The following PSMD1 variants were observed in gnomAD, a reference collection of about 807,000 sequenced individuals.
PSMD1 encodes proteasome 26S subunit, non-ATPase 1, also known as 26S proteasome non-ATPase regulatory subunit 1.
A neutral mutation model predicts 119.0 loss-of-function variants in PSMD1; 18 were observed. The ratio of observed to expected loss-of-function variants is 0.15; its 90% CI spans 0.10 to 0.22. The LOEUF is 0.22. Ranked by LOEUF, PSMD1 falls within the 10% of genes least tolerant of loss-of-function variation. PSMD1 has a pLI of 1.00. For missense variants in PSMD1, 702 were observed against 1,158.5 expected, an observed-to-expected ratio of 0.61 and a Z score of 5.72; for synonymous variants, 374 against 396.6, an observed-to-expected ratio of 0.94 and a Z score of 0.68.
At chr2:231,088,355 T>C (rs1055703856) in intron 16 of PSMD1, among the ~76,000 whole-genome samples, 1 of 152,220 alleles carries the variant, frequency 6.6e-6, no homozygotes, top group African/African-American at 2.4e-5. Flanking sequence ...TACCTTGTTT[T>C]ACTGCACTTT....
chr2:231,096,527 A>G (rs907571242), intron 16 of PSMD1, among the ~76,000 whole-genome samples: 1 of 152,162 alleles, frequency 6.6e-6, no homozygotes. Context: ...CCAGAGCTCT[A>G]TGTCTAATGT....
At chr2:231,115,842 G>A (rs969882098) in intron 16 of PSMD1, among the ~76,000 whole-genome samples, 6 of 152,120 alleles carry the variant, frequency 3.9e-5, no homozygotes, top group Admixed American at 1.3e-4. Context: ...TAGATATGCA[G>A]GCTCTTGGGT....
chr2:231,077,635 G>A (rs886454390), intron 9 of PSMD1, among the ~76,000 whole-genome samples: 1 of 151,774 alleles, frequency 6.6e-6, no homozygotes, highest in Non-Finnish European at 1.5e-5. Context: ...TTACCTTGTT[G>A]CAGTGTTTGT....
intron 18 of PSMD1, 22 bp downstream of exon 18, chr2:231,146,378 C>A: frequency 6.4e-7 from 1 of 1,555,288 alleles, no homozygotes. Flanking sequence ...AAGAAATTCC[C>A]TGGAAGAGAG....
Position 231,083,866 on chromosome 2 carries a change from A to G in PSMD1, c.1722+103A>G, listed in dbSNP as rs551556009. ...TGTTCCCATCAGAACATGTAGGTAC[A>G]CTTATTCATAAAACTTCTGGCAATG... On this transcript the variant is annotated intron_variant, in intron 14 of 24. Transcript: ENST00000308696. The G allele has an allele frequency of 8.7e-6, 10 of 1,148,870 alleles. No individual in the cohort carries two copies. In the African/African-American group the frequency reaches 1.2e-4, roughly 14 times the overall value. 71.2% of individuals were successfully genotyped at this position (1,148,870 alleles called of 1,614,324 possible).
chr2:231,157,578 C>CT (rs111726538), intron 19 of PSMD1, among the ~76,000 whole-genome samples: 14 of 143,800 alleles, frequency 9.7e-5, no homozygotes, highest in Non-Finnish European at 1.2e-4. Context: ...CATAAAAGTT[C>CT]TTTTTTTTGG....
At chr2:231,071,986 A>AT (rs1215743804) in intron 6 of PSMD1, among the ~76,000 whole-genome samples, 2 of 152,132 alleles carry the variant, frequency 1.3e-5, no homozygotes, top group African/African-American at 4.8e-5. Flanking sequence ...ATTTGTATGA[A>AT]TTTTTTTATG....
At chr2:231,081,307 A>C (rs1186399587) in intron 12 of PSMD1, among the ~76,000 whole-genome samples, 1 of 151,248 alleles carries the variant, frequency 6.6e-6, no homozygotes. Context: ...GTTACAAAAA[A>C]ACAAAACAAA....
chr2:231,067,370 T>A (rs959754599), intron 5 of PSMD1, among the ~76,000 whole-genome samples: 1 of 152,242 alleles, frequency 6.6e-6, no homozygotes, highest in Non-Finnish European at 1.5e-5. Context: ...CTGCCCTTTT[T>A]AAGAAGACAA....
intron 9 of PSMD1, among the ~76,000 whole-genome samples, chr2:231,077,811 T>C (rs1694204676): frequency 6.6e-6 from 1 of 152,224 alleles, no homozygotes; most frequent in Admixed American, 6.5e-5. Flanking sequence ...TTTATAGCCA[T>C]ATATTATTGA....
chr2:231,170,479 A>G lies in PSMD1; in HGVS notation c.2716-87A>G. The G allele has an allele frequency of 7.4e-7, 1 of 1,342,320 alleles. No homozygotes were observed. The highest frequency in any genetic ancestry group is 1.0e-6 in the Non-Finnish European group (1 of 999,034). The allele number at this position is 1,342,320 out of a possible 1,614,324, so 83.2% of individuals were successfully genotyped here. On this transcript the variant is annotated intron_variant, in intron 23 of 24. Coordinates refer to ENST00000308696, the MANE Select transcript of PSMD1 (RefSeq NM_002807.4). The surrounding 1 kb of genome is among the most constrained non-coding windows in gnomAD (Gnocchi z 4.1). ...ACTTCCAAATCATTTAAGTAGTTTT[A>G]AAGTACCATTTAACAAGTATTTACT...
intron 18 of PSMD1, among the ~76,000 whole-genome samples, chr2:231,151,803 A>ATTTTT (rs57347945): frequency 2.1e-5 from 2 of 95,638 alleles, no homozygotes; most frequent in African/African-American, 5.1e-5. Context: ...AAACATGAGA[A>ATTTTT]TTTTTTTTTT....
At chr2:231,067,788 C>G (rs1442634034) in intron 5 of PSMD1, among the ~76,000 whole-genome samples, 1 of 152,136 alleles carries the variant, frequency 6.6e-6, no homozygotes, top group Admixed American at 6.5e-5. Flanking sequence ...TCCTGAATAG[C>G]TGGGATTACA....
At chr2:231,100,943 G>C (rs1372149952) in intron 16 of PSMD1, among the ~76,000 whole-genome samples, 2 of 152,122 alleles carry the variant, frequency 1.3e-5, no homozygotes, top group African/African-American at 4.8e-5. Context: ...CGTTCCTCAC[G>C]CGGGGGCACC....
chr2:231,143,270 C>T (rs935062223), intron 17 of PSMD1, among the ~76,000 whole-genome samples: 2 of 151,790 alleles, frequency 1.3e-5, no homozygotes, highest in East Asian at 1.9e-4. Context: ...TGCTCTGTTG[C>T]CCAGGCTAGA....
chr2:231,102,037 C>A (rs553073843), intron 16 of PSMD1, among the ~76,000 whole-genome samples: 1 of 152,276 alleles, frequency 6.6e-6, no homozygotes, highest in East Asian at 1.9e-4. Context: ...CCAGGCTCAT[C>A]TTGACCTCTG....
At chr2:231,089,594 G>GATATATATATATATAT (rs140932102) in intron 16 of PSMD1, among the ~76,000 whole-genome samples, 73 of 143,172 alleles carry the variant, frequency 5.1e-4, no homozygotes, top group African/African-American at 1.9e-3. Context: ...GAATTAATAG[G>GATATATATATATATAT]ATATATATAT....
chr2:231,076,938 A>T, intron 8 of PSMD1, 96 bp from the exon 9 acceptor site: 3 of 1,099,528 alleles, frequency 2.7e-6, no homozygotes, highest in Non-Finnish European at 3.8e-6. Context: ...AATGGACTGA[A>T]TTTCACTGGT....
intron 1 of PSMD1, 110 bp from the exon 2 acceptor site, chr2:231,061,157 T>G: frequency 1.4e-6 from 1 of 705,264 alleles, no homozygotes; most frequent in Admixed American, 2.6e-5. Flanking sequence ...CCTGGAGAAG[T>G]TACGCCTCAA....
Sources: gnomAD v4.1 joint callset for allele counts (sites outside exome capture counted in the v4.1 genomes callset) on GRCh38, gnomAD v4.1.1 for gene constraint, Gnocchi (gnomAD v3.1) non-coding constraint, MANE v1.5 for transcripts, NCBI Gene and HGNC (gene_info 2026-07-23, HGNC 2026-07-21) for gene names.